EIF2B4: variants seen among roughly 807,000 people sequenced by gnomAD.
EIF2B4 encodes eukaryotic translation initiation factor 2B subunit delta, also known as translation initiation factor eIF2B subunit delta.
Under a neutral mutation model 66.7 loss-of-function variants are expected in EIF2B4, and 34 were observed. The ratio of observed to expected loss-of-function variants is 0.51; its 90% CI spans 0.39 to 0.68. The LOEUF (loss-of-function observed/expected upper bound fraction) is 0.68. Among genes scored for constraint, EIF2B4 ranks in the 30% least tolerant of loss-of-function variants. The pLI is 0.00. For missense variants in EIF2B4, 618 were observed against 657.9 expected, an observed-to-expected ratio of 0.94 and a Z score of 0.66; for synonymous variants, 278 against 253.6, an observed-to-expected ratio of 1.10 and a Z score of -0.92.
At chr2:27,367,884 G>T in intron 7 of EIF2B4, 62 bp from the exon 8 acceptor site, 1 of 1,552,694 alleles carries the variant, frequency 6.4e-7, no homozygotes, top group Non-Finnish European at 8.9e-7. Context: ...AACGGGGGCT[G>T]GGGGTAAGCT....
rs769285377 is a variant in EIF2B4 at position 27,364,636 on chromosome 2, A to G, written c.1373-37T>C. 4 of 1,614,208 alleles carry G rather than the reference A, an allele frequency of 2.5e-6. No homozygotes were observed. The South Asian group carries it at 4.4e-5, about 18-fold the overall frequency. On this transcript the variant is annotated intron_variant, in intron 12 of 12. Coordinates refer to ENST00000347454, the MANE Select transcript of EIF2B4 (RefSeq NM_001034116.2). ...GGCGTACCCATTATGTTCTTTCAGAAAAGAAGTTCTAGTTTATCCGCCCCT... is the reference window on the plus strand; with the variant it reads ...GGCGTACCCATTATGTTCTTTCAGAGAAGAAGTTCTAGTTTATCCGCCCCT...
Position 27,368,724 on chromosome 2 carries a change from C to T in EIF2B4, c.428G>A (p.Arg143His), listed in dbSNP as rs368243788. Residue 143 changes from arginine (R) to histidine (H), a missense_variant, in exon 5 of 13, where the codon CGT (arginine) becomes CAT (histidine). Physicochemically the swap from Arg to His is conservative, Grantham distance 29 (BLOSUM62 0). Coordinates refer to ENST00000347454, the MANE Select transcript of EIF2B4 (RefSeq NM_001034116.2). ...ATCAACCTGAGGGTACTCAGGGAGA[C>T]GCTTCACTCCTGAAAGATAATCATC... Reference protein sequence around the residue: ...TAGETPSGVKRLPEYPQVDDL... With the variant: ...TAGETPSGVKHLPEYPQVDDL... 342 of 1,614,102 alleles carry T rather than the reference C, an allele frequency of 2.1e-4. 1 individual carries two copies. Among genetic ancestry groups the T allele is most frequent in the Non-Finnish European group, 2.6e-4 (305 of 1,179,976 alleles).
intron 1 of EIF2B4, 21 bp from the exon 2 acceptor site, chr2:27,369,940 C>T (rs1189620302): frequency 3.2e-6 from 5 of 1,573,084 alleles, no homozygotes; most frequent in South Asian, 1.2e-5. Flanking sequence ...AAACAGGGCA[C>T]AAAGTGAGCC....
At position 27,364,799 on chromosome 2, in the gene EIF2B4, T is replaced by C; in HGVS notation, c.1291A>G (p.Asn431Asp). The C allele has an allele frequency of 6.2e-7, 1 of 1,614,104 alleles. No individual in the cohort carries two copies. Residue 431 changes from asparagine to aspartate, a missense_variant, in exon 12 of 13, where the codon AAT becomes GAT. Physicochemically the swap from Asn to Asp is conservative, Grantham distance 23. This residue lies in a region of EIF2B4 where 36 missense variants were observed against 65.5 expected (regional missense o/e 0.55). Coordinates refer to ENST00000347454, the MANE Select transcript of EIF2B4 (RefSeq NM_001034116.2). ...AQLALVARAH[N>D]VPVLVCCETY... is the part of the protein sequence containing the mutation. ...TCACAGCAAACCAGCACTGGTACATTATGGGCTCGAGCCACCAGGGCTAAC... is the reference window on the plus strand; with the variant it reads ...TCACAGCAAACCAGCACTGGTACATCATGGGCTCGAGCCACCAGGGCTAAC...
Position 27,368,219 on chromosome 2 carries a change from C to A in EIF2B4, c.591-80G>T. The A allele has an allele frequency of 3.7e-6, 5 of 1,344,894 alleles. No individual in the cohort carries two copies. In the South Asian group the frequency reaches 5.0e-5, roughly 13 times the overall value. The allele number at this position is 1,344,894 out of a possible 1,614,324, so 83.3% of individuals were successfully genotyped here. ...CACCTGCCCCTGATGAAAAGGAACT[C>A]CCTTCACTAGCAGATTTCCCCACTC... is the stretch of plus-strand genomic sequence containing the variant. On this transcript the variant is annotated intron_variant, in intron 6 of 12. Coordinates refer to ENST00000347454, the MANE Select transcript of EIF2B4 (RefSeq NM_001034116.2).
At chr2:27,367,946 A>G in intron 7 of EIF2B4, 79 bp downstream of exon 7, 13 of 1,476,028 alleles carry the variant, frequency 8.8e-6, no homozygotes, top group Non-Finnish European at 1.1e-5. Context: ...TCCCCCAGAG[A>G]TGACCTTGGG....
rs754390217 is a variant in EIF2B4, at chr2:27,368,509, G to C, written c.499-46C>G. Reference sequence around the variant, plus strand: ...GGACCAATGGCCCAGAGTTTAAAAAGGATGGGATAAAGCTGGAAAGGAAGT... The same window carrying C: ...GGACCAATGGCCCAGAGTTTAAAAACGATGGGATAAAGCTGGAAAGGAAGT... On this transcript the variant is annotated intron_variant, in intron 5 of 12. Coordinates refer to ENST00000347454, the MANE Select transcript of EIF2B4 (RefSeq NM_001034116.2). 2.5e-6 allele frequency: 4 copies of C among 1,580,786 alleles called. No individual in the cohort carries two copies. In the Admixed American group the frequency reaches 6.7e-5, roughly 26 times the overall value.
At chr2:27,368,351 G>T in intron 6 of EIF2B4, 21 bp downstream of exon 6, 2 of 1,597,544 alleles carry the variant, frequency 1.3e-6, no homozygotes, top group South Asian at 2.2e-5. Flanking sequence ...CAAAAGTTAT[G>T]ACAATTTCAT....
intron 6 of EIF2B4, 62 bp downstream of exon 6, chr2:27,368,310 T>C: frequency 6.7e-7 from 1 of 1,489,572 alleles, no homozygotes; most frequent in South Asian, 1.1e-5. Flanking sequence ...CTAGAAACTT[T>C]CAATACTGAC....
chr2:27,368,869 A>T (rs914826534), intron 4 of EIF2B4, 136 bp from the exon 5 acceptor site: 2 of 1,415,902 alleles, frequency 1.4e-6, no homozygotes, highest in African/African-American at 2.8e-5. Flanking sequence ...GGAAATAGGG[A>T]TAGGATAATG....
At chr2:27,365,318 A>G (rs1681765306) in intron 11 of EIF2B4, among the ~76,000 whole-genome samples, 1 of 151,374 alleles carries the variant, frequency 6.6e-6, no homozygotes, top group African/African-American at 2.4e-5. Flanking sequence ...TGCCCGCCTC[A>G]GCCACCCAAA....
chr2:27,367,713 G>T, intron 8 of EIF2B4, 33 bp downstream of exon 8: 1 of 1,595,336 alleles, frequency 6.3e-7, no homozygotes, highest in Non-Finnish European at 8.6e-7. Context: ...AAGATTGGGC[G>T]AGCTGGGAGT....
chr2:27,369,347 T>A, intron 3 of EIF2B4, 67 bp downstream of exon 3: 1 of 1,591,188 alleles, frequency 6.3e-7, no homozygotes, highest in African/African-American at 1.8e-5. Flanking sequence ...GTCTCTCCCT[T>A]ATCTCTCCCA....
At position 27,368,469 on chromosome 2, in the gene EIF2B4, C is replaced by T; in HGVS notation, c.499-6G>A. 1 of 1,612,134 alleles carries T rather than the reference C, an allele frequency of 6.2e-7. No individual in the cohort carries two copies. ...TAATCCTTTCGTGTAGGAACCTTGA[C>T]AAAACAAGGGAACAGGACCAATGGC... On this transcript the variant is annotated splice_region_variant and splice_polypyrimidine_tract_variant and intron_variant, in intron 5 of 12. Coordinates refer to ENST00000347454, the MANE Select transcript of EIF2B4 (RefSeq NM_001034116.2).
intron 12 of EIF2B4, 58 bp downstream of exon 12, chr2:27,364,660 C>G: frequency 1.2e-6 from 2 of 1,614,146 alleles, no homozygotes; most frequent in Admixed American, 3.3e-5. Context: ...TTATCCGCCC[C>G]TCTCCCTCCC....
chr2:27,365,070 CTTT>C, intron 11 of EIF2B4, 172 bp from the exon 12 acceptor site: 5 of 614,330 alleles, frequency 8.1e-6, no homozygotes, highest in Admixed American at 6.0e-5. Context: ...TTTTTTTTTT[CTTT>C]GAGATGAAGT....
rs113994030 is a variant in EIF2B4, at chr2:27,367,800, G to A, written c.728C>T (p.Pro243Leu). The A allele has an allele frequency of 7.6e-5, 123 of 1,613,922 alleles. No homozygotes were observed. The highest frequency in any genetic ancestry group is 1.0e-4 in the Non-Finnish European group (118 of 1,179,988). The change falls in exon 8 of 13, where the codon CCG (proline) becomes CTG (leucine). Residue 243 changes from proline (P) to leucine (L), a missense_variant. By Grantham distance (98) the Pro-to-Leu change is moderately conservative (BLOSUM62 -3). Coordinates refer to ENST00000347454, the MANE Select transcript of EIF2B4 (RefSeq NM_001034116.2). ...LQQVIQDYTT[P>L]PNEELSRDLV... is the part of the protein sequence containing the mutation. The stretch of plus-strand genomic sequence containing the variant: ...ATCCCTGGAGAGTTCTTCATTAGGC[G>A]GTGTTGTGTAATCCTGAATCACCTA...
At chr2:27,368,501 T>A in intron 5 of EIF2B4, 38 bp from the exon 6 acceptor site, 1 of 1,588,826 alleles carries the variant, frequency 6.3e-7, no homozygotes. Context: ...TGGCCCAGAG[T>A]TTAAAAAGGA....
Position 27,370,285 on chromosome 2 carries a change from C to G in EIF2B4, c.30G>C (p.Glu10Asp). 1 of 1,548,666 alleles carries G rather than the reference C, an allele frequency of 6.5e-7. No homozygotes were observed. Among genetic ancestry groups the G allele is most frequent in the Non-Finnish European group, 8.7e-7 (1 of 1,149,478 alleles). MAAVAVAVREDSGSGMKAEL... is the reference protein window; with the variant it reads MAAVAVAVRDDSGSGMKAEL... ...AGGCAGGCCCGGCTCTTCACTCACC[C>G]TCGCGAACAGCCACGGCCACAGCAG... Residue 10 changes from glutamate (E) to aspartate (D), a missense_variant and splice_region_variant, in exon 1 of 13, where the codon GAG becomes GAC. Glu to Asp is a conservative substitution (Grantham distance 45). Transcript: ENST00000347454.
Sources: allele counts gnomAD v4.1 joint callset (sites outside exome capture counted in the v4.1 genomes callset), GRCh38; gene constraint gnomAD v4.1.1; regional missense constraint gnomAD v4.1.1; transcripts MANE v1.5; gene names NCBI Gene and HGNC (gene_info 2026-07-23, HGNC 2026-07-21).